RBM20: variants seen among roughly 807,000 people sequenced by gnomAD.
The protein encoded by RBM20 is RNA binding motif protein 20, also known as RNA-binding protein 20.
A neutral mutation model predicts 110.1 loss-of-function variants in RBM20; 51 were observed. The ratio of observed to expected loss-of-function variants is 0.46; its 90% CI spans 0.37 to 0.59. The LOEUF (loss-of-function observed/expected upper bound fraction) is 0.59. Ranked by LOEUF, RBM20 falls within the 20% of genes least tolerant of loss-of-function variation. RBM20 has a pLI of 0.00. For missense variants in RBM20, 1,512 were observed against 1,574.9 expected, an observed-to-expected ratio of 0.96 and a Z score of 0.68; for synonymous variants, 589 against 618.2, an observed-to-expected ratio of 0.95 and a Z score of 0.70.
intron 1 of RBM20, among the ~76,000 whole-genome samples, chr10:110,737,261 C>T (rs1485043737): frequency 6.6e-6 from 1 of 150,962 alleles, no homozygotes; most frequent in Non-Finnish European, 1.5e-5. Context: ...TGAGTGGAGG[C>T]AGCAAGAAGG....
intron 1 of RBM20, among the ~76,000 whole-genome samples, chr10:110,752,943 A>AT (rs1475212776): frequency 0.024 from 2,317 of 94,864 alleles, 31 homozygotes; most frequent in South Asian, 0.03. Context: ...ATATATATAT[A>AT]TATTTTTTTT....
chr10:110,769,523 G>A (rs1247618165), intron 1 of RBM20, among the ~76,000 whole-genome samples: 1 of 152,072 alleles, frequency 6.6e-6, no homozygotes, highest in Non-Finnish European at 1.5e-5. Context: ...TTTTATTACA[G>A]CAGCCCAAAT....
chr10:110,679,540 C>T (rs1862391541), intron 1 of RBM20, among the ~76,000 whole-genome samples: 1 of 152,206 alleles, frequency 6.6e-6, no homozygotes. Flanking sequence ...TAATAATTAT[C>T]ATAGTTCCTG....
At chr10:110,828,516 C>T (rs1409999804) in intron 12 of RBM20, among the ~76,000 whole-genome samples, 1 of 152,184 alleles carries the variant, frequency 6.6e-6, no homozygotes, top group African/African-American at 2.4e-5. Context: ...CCCAGGTGGC[C>T]TTGGGGAGAG....
chr10:110,721,343 C>T (rs1843502470), intron 1 of RBM20, among the ~76,000 whole-genome samples: 1 of 152,282 alleles, frequency 6.6e-6, no homozygotes, highest in African/African-American at 2.4e-5. Flanking sequence ...AAATGTCGAA[C>T]CTGGACTCTT....
At chr10:110,706,991 C>G (rs1862850562) in intron 1 of RBM20, among the ~76,000 whole-genome samples, 1 of 152,114 alleles carries the variant, frequency 6.6e-6, no homozygotes, top group Non-Finnish European at 1.5e-5. Flanking sequence ...GCTTAAATGA[C>G]CCAGGGAGGC....
At chr10:110,662,959 GCTTTCTTT>G (rs199604281) in intron 1 of RBM20, among the ~76,000 whole-genome samples, 1 of 151,688 alleles carries the variant, frequency 6.6e-6, no homozygotes, top group Non-Finnish European at 1.5e-5. Context: ...CTCTCACCCT[GCTTTCTTT>G]CTTTCTTTTT....
intron 1 of RBM20, among the ~76,000 whole-genome samples, chr10:110,685,549 T>C (rs996133573): frequency 3.3e-5 from 5 of 152,192 alleles, no homozygotes. Context: ...AGCAAGTCCC[T>C]AGTAGTCCAT....
chr10:110,796,550 C>T (rs746723571), intron 5 of RBM20, among the ~76,000 whole-genome samples: 6 of 152,146 alleles, frequency 3.9e-5, no homozygotes, highest in Non-Finnish European at 5.9e-5. Context: ...TCAAGACTAG[C>T]CTGGGCAATA....
intron 10 of RBM20, among the ~76,000 whole-genome samples, chr10:110,820,715 A>T (rs1471174494): frequency 6.6e-6 from 1 of 152,232 alleles, no homozygotes; most frequent in Non-Finnish European, 1.5e-5. Flanking sequence ...TCCGGTCAGG[A>T]GAGGCAGGAG....
intron 1 of RBM20, among the ~76,000 whole-genome samples, chr10:110,738,066 A>G (rs1843690005): frequency 6.6e-6 from 1 of 152,200 alleles, no homozygotes; most frequent in Non-Finnish European, 1.5e-5. Flanking sequence ...GCAGAAGCAG[A>G]TGTGGTTTCT....
chr10:110,648,282 A>G (rs1404029699), intron 1 of RBM20, among the ~76,000 whole-genome samples: 5 of 152,198 alleles, frequency 3.3e-5, no homozygotes, highest in Admixed American at 3.3e-4. Flanking sequence ...TTCAGAGCAA[A>G]GTGCTCCCCT....
chr10:110,796,148 T>C (rs1844547240), intron 5 of RBM20, among the ~76,000 whole-genome samples: 1 of 152,206 alleles, frequency 6.6e-6, no homozygotes, highest in South Asian at 2.1e-4. Context: ...TCAAACAACA[T>C]GAGGTATATA....
At chr10:110,767,055 G>A (rs1236273974) in intron 1 of RBM20, among the ~76,000 whole-genome samples, 1 of 135,840 alleles carries the variant, frequency 7.4e-6, no homozygotes, top group Non-Finnish European at 1.6e-5. Flanking sequence ...TCACCTCCCG[G>A]ACGGGGCGGC....
Position 110,784,707 on chromosome 10 carries a change from G to A in RBM20, c.1430-85G>A, listed in dbSNP as rs1389291939. The A allele has an allele frequency of 3.3e-6, 3 of 920,246 alleles. No homozygotes were observed. The African/African-American group carries it at 4.9e-5, about 15-fold the overall frequency. 57.0% of individuals were successfully genotyped at this position (920,246 alleles called of 1,614,324 possible). A position where few individuals can be genotyped will look rare whatever the true frequency, so the allele number is the denominator to read the frequency against. On this transcript the variant is annotated intron_variant, in intron 4 of 13. Coordinates refer to ENST00000369519, the MANE Select transcript of RBM20 (RefSeq NM_001134363.3). ...ATAATATGTGAAGGGGAAAGGTTCA[G>A]TTTTCTATGCCTGCTTATGTCCTAA...
chr10:110,799,955 G>A (rs1304666124), intron 7 of RBM20, 37 bp downstream of exon 7: 3 of 1,545,410 alleles, frequency 1.9e-6, no homozygotes, highest in Non-Finnish European at 2.6e-6. Flanking sequence ...CATTCAACAA[G>A]CACCAGATGA....
At chr10:110,663,632 T>C (rs890225373) in intron 1 of RBM20, among the ~76,000 whole-genome samples, 3 of 152,218 alleles carry the variant, frequency 2.0e-5, no homozygotes, top group Non-Finnish European at 4.4e-5. Context: ...ATGTTTGTCT[T>C]AATTATAAAA....
chr10:110,686,945 A>AAG (rs1862513933), intron 1 of RBM20, among the ~76,000 whole-genome samples: 2 of 151,856 alleles, frequency 1.3e-5, no homozygotes, highest in African/African-American at 4.8e-5. Context: ...AGGCTGAGGC[A>AAG]GGAGAATTGC....
Position 110,823,490 on chromosome 10 carries a change from G to A in RBM20, c.3327G>A (p.Arg1109=). The A allele has an allele frequency of 6.5e-7, 1 of 1,528,474 alleles. No homozygotes were observed. Among genetic ancestry groups the A allele is most frequent in the Non-Finnish European group, 8.8e-7 (1 of 1,137,802 alleles). The allele number at this position is 1,528,474 out of a possible 1,614,324, so 94.7% of individuals were successfully genotyped here. A position where few individuals can be genotyped will look rare whatever the true frequency, so the allele number is the denominator to read the frequency against. The change falls in exon 12 of 14, where the codon AGG becomes AGA. Residue 1109 remains arginine (R), a synonymous_variant. Transcript: ENST00000369519. ...GTTCATGTTTTGCAGAAAACTCCAG[G>A]TACGTGGAAATGAAATCTCTGGAGG... ...CQEVLTPENS[R]YVEMKSLEVR... is the part of the protein sequence containing the mutation.
Sources: gnomAD v4.1 joint callset for allele counts (sites outside exome capture counted in the v4.1 genomes callset) on GRCh38, gnomAD v4.1.1 for gene constraint, MANE v1.5 for transcripts, NCBI Gene and HGNC (gene_info 2026-07-23, HGNC 2026-07-21) for gene names.